SLC16A1: variants seen among roughly 807,000 people sequenced by gnomAD.
SLC16A1 encodes the protein monocarboxylate transporter 1.
In SLC16A1, 11 loss-of-function variants were observed where a neutral mutation model predicts 32.2. That is an observed-to-expected ratio of 0.34 (90% CI 0.21 to 0.56). The LOEUF is 0.56. Ranked by LOEUF, SLC16A1 falls within the 20% of genes least tolerant of loss-of-function variation. SLC16A1 has a pLI of 0.87. For missense variants in SLC16A1, 435 were observed against 615.0 expected, an observed-to-expected ratio of 0.71 and a Z score of 3.10; for synonymous variants, 231 against 226.8, an observed-to-expected ratio of 1.02 and a Z score of -0.17.
At chr1:112,941,297 T>G (rs1411923472) in intron 1 of SLC16A1, among the ~76,000 whole-genome samples, 1 of 145,806 alleles carries the variant, frequency 6.9e-6, no homozygotes, top group African/African-American at 2.7e-5. Flanking sequence ...TTTTTTTTTT[T>G]TGAGACAGAG....
At chr1:112,940,577 C>G (rs1392924260) in intron 1 of SLC16A1, among the ~76,000 whole-genome samples, 1 of 151,764 alleles carries the variant, frequency 6.6e-6, no homozygotes, top group East Asian at 1.9e-4. Context: ...TTTTTCAGCA[C>G]TACAGTAAAT....
chr1:112,923,643 C>T lies in SLC16A1; in HGVS notation c.218-1510G>A, dbSNP rs1192860870. 6.2e-6 allele frequency: 9 copies of T among 1,458,012 alleles called. No homozygotes were observed. In the East Asian group the frequency reaches 1.8e-4, roughly 29 times the overall value. The allele number at this position is 1,458,012 out of a possible 1,614,324, so 90.3% of individuals were successfully genotyped here. On this transcript the variant is annotated intron_variant, in intron 2 of 4. Transcript: ENST00000369626. ...TCTCCGGTTCCAGCTGGAGACGTCA[C>T]TGAAGTGGCTGCAGTGTCCCCGAGT... is the stretch of plus-strand genomic sequence containing the variant.
At chr1:112,934,830 A>T (rs1451132326) in intron 1 of SLC16A1, among the ~76,000 whole-genome samples, 1 of 152,204 alleles carries the variant, frequency 6.6e-6, no homozygotes, top group Non-Finnish European at 1.5e-5. Flanking sequence ...GAGATACACT[A>T]TATTTGATTT....
intron 1 of SLC16A1, among the ~76,000 whole-genome samples, chr1:112,953,429 T>C (rs199797542): frequency 4.6e-5 from 7 of 152,158 alleles, no homozygotes; most frequent in African/African-American, 1.7e-4. Context: ...TCCCAAAGTG[T>C]TGGGATTACA....
At chr1:112,931,269 T>C (rs1372634864) in intron 1 of SLC16A1, among the ~76,000 whole-genome samples, 1 of 152,126 alleles carries the variant, frequency 6.6e-6, no homozygotes, top group Non-Finnish European at 1.5e-5. Flanking sequence ...TCAAGGTATT[T>C]TTCCGCATTA....
chr1:112,913,969 A>C lies in SLC16A1; in HGVS notation c.1425T>G (p.Asn475Lys), dbSNP rs537543500. Residue 475 changes from asparagine to lysine, a missense_variant, in exon 5 of 5, where the codon AAT (asparagine) becomes AAG (lysine). By Grantham distance (94) the Asn-to-Lys change is moderately conservative (BLOSUM62 0). Coordinates refer to ENST00000369626, the MANE Select transcript of SLC16A1 (RefSeq NM_003051.4). ...GAGATTCTGCTGCTTTGGTAACTTC[A>C]TTTGGCTTCCCAGCAACATCTATAC... The part of the protein sequence containing the change: ...ETSIDVAGKP[N>K]EVTKAAESPD... 6.2e-7 allele frequency: 1 copy of C among 1,614,060 alleles called. No homozygotes were observed. The highest frequency in any genetic ancestry group is 1.1e-5 in the South Asian group (1 of 91,076).
At chr1:112,949,795 C>G (rs1287359188) in intron 1 of SLC16A1, among the ~76,000 whole-genome samples, 5 of 152,242 alleles carry the variant, frequency 3.3e-5, no homozygotes. Context: ...CCACCTCAGC[C>G]TCCCAAGTGC....
chr1:112,923,395 G>T (rs746061135), intron 2 of SLC16A1: 71 of 620,594 alleles, frequency 1.1e-4, no homozygotes, highest in Non-Finnish European at 1.7e-4. Flanking sequence ...TTGCTCCCGG[G>T]CTGTCGCAGT....
chr1:112,922,242 G>T, intron 2 of SLC16A1, 109 bp from the exon 3 acceptor site: 1 of 1,029,050 alleles, frequency 9.7e-7, no homozygotes, highest in Non-Finnish European at 1.5e-6. Context: ...AAGCAGCAAT[G>T]ATAAGAATAT....
intron 1 of SLC16A1, among the ~76,000 whole-genome samples, chr1:112,948,548 G>A (rs1395350983): frequency 2.0e-5 from 3 of 151,444 alleles, no homozygotes; most frequent in African/African-American, 4.9e-5. Context: ...CAGTTGCCCA[G>A]GCTGGAGTGC....
chr1:112,928,785 CA>C (rs1039051875), intron 2 of SLC16A1, among the ~76,000 whole-genome samples: 2 of 151,686 alleles, frequency 1.3e-5, no homozygotes, highest in African/African-American at 4.8e-5. Context: ...CAGAGATCAA[CA>C]AAAAAAATAC....
chr1:112,951,280 G>A (rs939430856), intron 1 of SLC16A1, among the ~76,000 whole-genome samples: 2 of 151,914 alleles, frequency 1.3e-5, no homozygotes, highest in Non-Finnish European at 2.9e-5. Flanking sequence ...CAAGAGATTG[G>A]CACCAACTGC....
At chr1:112,920,718 A>C (rs1164646849) in intron 3 of SLC16A1, among the ~76,000 whole-genome samples, 1 of 152,180 alleles carries the variant, frequency 6.6e-6, no homozygotes, top group Non-Finnish European at 1.5e-5. Context: ...GGAGTAGAAA[A>C]CAACTTTCTC....
At chr1:112,930,722 A>G (rs1649096712) in intron 1 of SLC16A1, among the ~76,000 whole-genome samples, 1 of 148,244 alleles carries the variant, frequency 6.7e-6, no homozygotes, top group African/African-American at 2.5e-5. Context: ...CAAACATTTT[A>G]GGTTTTTTTT....
chr1:112,945,268 T>C (rs1407904607), intron 1 of SLC16A1, among the ~76,000 whole-genome samples: 1 of 151,952 alleles, frequency 6.6e-6, no homozygotes, highest in Non-Finnish European at 1.5e-5. Context: ...GTGCTGGGCT[T>C]ATAGGCATAA....
chr1:112,953,532 C>T (rs1471559289), intron 1 of SLC16A1, among the ~76,000 whole-genome samples: 1 of 152,190 alleles, frequency 6.6e-6, no homozygotes, highest in African/African-American at 2.4e-5. Flanking sequence ...CTCCTTTATC[C>T]CTTAAAAATC....
chr1:112,913,886 T>A lies in SLC16A1; in HGVS notation c.*5A>T, dbSNP rs1485932156. 6.2e-7 allele frequency: 1 copy of A among 1,614,050 alleles called. No homozygotes were observed. Among genetic ancestry groups the A allele is most frequent in the Non-Finnish European group, 8.5e-7 (1 of 1,180,022 alleles). Reference sequence around the variant, plus strand: ...CTGCTCAATTTACCCTTCAGCCCCATGGATTCAGACTGGACTTTCCTCCTC... The same window carrying A: ...CTGCTCAATTTACCCTTCAGCCCCAAGGATTCAGACTGGACTTTCCTCCTC... On this transcript the variant is annotated 3_prime_UTR_variant, in exon 5 of 5. Coordinates refer to ENST00000369626, the MANE Select transcript of SLC16A1 (RefSeq NM_003051.4).
intron 1 of SLC16A1, among the ~76,000 whole-genome samples, chr1:112,936,612 A>G (rs1649318768): frequency 1.3e-5 from 2 of 151,840 alleles, no homozygotes; most frequent in African/African-American, 4.8e-5. Flanking sequence ...CTCTAGGACT[A>G]TGCATTCTGG....
chr1:112,918,552 G>A (rs1380691657), intron 3 of SLC16A1, among the ~76,000 whole-genome samples: 2 of 152,098 alleles, frequency 1.3e-5, no homozygotes, highest in Non-Finnish European at 2.9e-5. Context: ...TATAATCCCA[G>A]TGCTTTGGGA....
Sources: gnomAD v4.1 joint callset for allele counts (sites outside exome capture counted in the v4.1 genomes callset) on GRCh38, gnomAD v4.1.1 for gene constraint, MANE v1.5 for transcripts, NCBI Gene and HGNC (gene_info 2026-07-23, HGNC 2026-07-21) for gene names.